The following FARP1 variants were observed in gnomAD, a reference collection of about 807,000 sequenced individuals.
FARP1 encodes the protein FERM, ARH/RhoGEF and pleckstrin domain protein 1.
FARP1 carries 52 observed loss-of-function variants against 128.8 expected under a neutral mutation model. The ratio of observed to expected loss-of-function variants is 0.40; its 90% CI spans 0.32 to 0.51. The LOEUF (loss-of-function observed/expected upper bound fraction) is 0.51, where lower values mean the gene tolerates loss of function less well. FARP1 is among the 20% of genes least tolerant of loss of function. The pLI is 0.45. For missense variants in FARP1, 1,333 were observed against 1,367.9 expected (o/e 0.97, Z 0.40); for synonymous variants, 580 against 551.8 (o/e 1.05, Z -0.72).
chr13:98,336,975 G>T (rs1887771183), intron 2 of FARP1, among the ~76,000 whole-genome samples: 1 of 152,154 alleles, frequency 6.6e-6, no homozygotes, highest in Admixed American at 6.5e-5. Context: ...GGAATATTAC[G>T]ATTGAGACTG....
intron 2 of FARP1, among the ~76,000 whole-genome samples, chr13:98,267,513 ACT>A (rs1203364528): frequency 6.6e-6 from 1 of 151,944 alleles, no homozygotes; most frequent in African/African-American, 2.4e-5. Context: ...CCAAGGTTGG[ACT>A]CTCGGCCTAT....
At chr13:98,188,096 G>A (rs1039028170) in intron 1 of FARP1, among the ~76,000 whole-genome samples, 2 of 152,198 alleles carry the variant, frequency 1.3e-5, no homozygotes, top group Non-Finnish European at 2.9e-5. Flanking sequence ...TGGCAGCCCT[G>A]CCTGCTTGAA....
intron 1 of FARP1, among the ~76,000 whole-genome samples, chr13:98,186,289 G>A (rs1447778000): frequency 6.6e-6 from 1 of 151,898 alleles, no homozygotes; most frequent in African/African-American, 2.4e-5. Flanking sequence ...TGTATTTTTA[G>A]TAGAGATGGG....
intron 18 of FARP1, chr13:98,434,134 C>T (rs562732876): frequency 2.6e-4 from 39 of 152,374 alleles, no homozygotes; most frequent in Admixed American, 2.5e-3. Flanking sequence ...AGTGGCAGCA[C>T]TGTAGGAGCC....
At chr13:98,150,400 A>G (rs186662249) in intron 1 of FARP1, among the ~76,000 whole-genome samples, 1 of 152,342 alleles carries the variant, frequency 6.6e-6, no homozygotes, top group African/African-American at 2.4e-5. Context: ...CTTGATATAC[A>G]GTAAACTGCA....
chr13:98,423,840 T>C (rs557671404), intron 16 of FARP1, among the ~76,000 whole-genome samples: 1 of 152,322 alleles, frequency 6.6e-6, no homozygotes, highest in Non-Finnish European at 1.5e-5. Flanking sequence ...TCCATGTTTT[T>C]ATATTTCTCT....
At chr13:98,423,929 A>G (rs1891685432) in intron 16 of FARP1, among the ~76,000 whole-genome samples, 1 of 152,124 alleles carries the variant, frequency 6.6e-6, no homozygotes, top group Non-Finnish European at 1.5e-5. Context: ...CTAGCACCCA[A>G]TATGTCTGGG....
At chr13:98,259,300 T>G (rs1883760787) in intron 2 of FARP1, among the ~76,000 whole-genome samples, 1 of 152,176 alleles carries the variant, frequency 6.6e-6, no homozygotes, top group Admixed American at 6.5e-5. Flanking sequence ...TATAATACTC[T>G]CTATATAGAG....
At chr13:98,371,674 T>C (rs533992728) in intron 5 of FARP1, among the ~76,000 whole-genome samples, 3 of 152,254 alleles carry the variant, frequency 2.0e-5, no homozygotes, top group Non-Finnish European at 2.9e-5. Context: ...AAAAATGGAC[T>C]GACTATTGAG....
chr13:98,430,806 T>G (rs1294581972), intron 17 of FARP1, among the ~76,000 whole-genome samples: 1 of 152,250 alleles, frequency 6.6e-6, no homozygotes, highest in Admixed American at 6.5e-5. Context: ...TTATATATTT[T>G]ATGATCCATG....
chr13:98,397,425 C>G (rs1890591041), intron 13 of FARP1: 1 of 152,222 alleles, frequency 6.6e-6, no homozygotes, highest in Non-Finnish European at 1.5e-5. Flanking sequence ...CATTCACACT[C>G]TGGTGAACAG....
At chr13:98,167,468 G>C (rs1468630705) in intron 1 of FARP1, among the ~76,000 whole-genome samples, 3 of 147,264 alleles carry the variant, frequency 2.0e-5, no homozygotes, top group Admixed American at 1.4e-4. Context: ...GGAGTGCAGT[G>C]GCGCGATCTC....
intron 19 of FARP1, chr13:98,435,944 C>T (rs1892251455): frequency 1.7e-6 from 1 of 583,034 alleles, no homozygotes; most frequent in African/African-American, 1.8e-5. Flanking sequence ...GGGTGATTCG[C>T]TTCTTTACCT....
chr13:98,447,124 G>C (rs952896101), intron 26 of FARP1: 3 of 312,332 alleles, frequency 9.6e-6, no homozygotes, highest in African/African-American at 4.2e-5. Context: ...TGCCTACATG[G>C]TGTAATGGCA....
intron 2 of FARP1, among the ~76,000 whole-genome samples, chr13:98,252,931 T>C (rs541415834): frequency 1.3e-5 from 2 of 152,330 alleles, no homozygotes; most frequent in African/African-American, 4.8e-5. Flanking sequence ...ACCAACATTT[T>C]TCAACTTGAT....
At chr13:98,354,096 T>A (rs1477268507) in intron 3 of FARP1, among the ~76,000 whole-genome samples, 1 of 152,204 alleles carries the variant, frequency 6.6e-6, no homozygotes, top group Non-Finnish European at 1.5e-5. Context: ...ACACATTGCA[T>A]TGTAATATTG....
At chr13:98,393,435 G>T (rs1890388653) in intron 11 of FARP1, among the ~76,000 whole-genome samples, 1 of 152,228 alleles carries the variant, frequency 6.6e-6, no homozygotes, top group Admixed American at 6.5e-5. Context: ...ATTTCTCCGA[G>T]ATTTAAGTAA....
At position 98,384,722 on chromosome 13, in the gene FARP1, C is replaced by A. The variant is rs1350974612; in HGVS notation, c.497-8C>A. ...ACGTGACCTGTTTTTCTTTCTGTTT[C>A]TTTTTAGCTGAGATTGGGGATTTTG... On this transcript the variant is annotated splice_region_variant and splice_polypyrimidine_tract_variant and intron_variant, in intron 6 of 26. Transcript: ENST00000319562. 1.3e-6 allele frequency: 2 copies of A among 1,577,650 alleles called. No homozygotes were observed. Among genetic ancestry groups the A allele is most frequent in the Admixed American group, 3.3e-5 (2 of 59,766 alleles).
chr13:98,176,637 C>T lies in FARP1; in HGVS notation c.-24+33145C>T. On this transcript the variant is annotated intron_variant, in intron 1 of 26. Transcript: ENST00000319562. The surrounding 1 kb of genome is among the most constrained non-coding windows in gnomAD (Gnocchi z 6.2). The stretch of plus-strand genomic sequence containing the variant: ...CCCCGAAGCCACAGAAGCCAGTCTC[C>T]TTGTAGTCCTTGCAGATGTCAGGCT... 6.2e-7 allele frequency: 1 copy of T among 1,614,220 alleles called. No individual in the cohort carries two copies. The highest frequency in any genetic ancestry group is 8.5e-7 in the Non-Finnish European group (1 of 1,180,052).
Sources: allele counts gnomAD v4.1 joint callset (sites outside exome capture counted in the v4.1 genomes callset), GRCh38; gene constraint gnomAD v4.1.1; non-coding constraint Gnocchi (gnomAD v3.1); transcripts MANE v1.5; gene names NCBI Gene and HGNC (gene_info 2026-07-23, HGNC 2026-07-21).